The following NTNG1 variants were observed in gnomAD, a reference collection of about 807,000 sequenced individuals.
The protein encoded by NTNG1 is netrin-G1.
NTNG1 carries 16 observed loss-of-function variants against 54.0 expected under a neutral mutation model. That is an observed-to-expected ratio of 0.30 (90% confidence interval 0.20 to 0.45). The LOEUF is 0.45. NTNG1 is among the 20% of genes least tolerant of loss of function. The pLI, the probability that NTNG1 is intolerant of heterozygous loss-of-function variation, is 1.00. For synonymous variants in NTNG1, 255 were observed against 263.1 expected (o/e 0.97, Z 0.30); for missense variants, 530 against 678.7 (o/e 0.78, Z 2.43).
chr1:107,353,084 A>G (rs760331909), intron 3 of NTNG1, among the ~76,000 whole-genome samples: 4 of 152,220 alleles, frequency 2.6e-5, no homozygotes, highest in Non-Finnish European at 5.9e-5. Flanking sequence ...TGTCTTGGAT[A>G]TTAACATTTG....
chr1:107,422,206 T>G (rs1398878130), intron 5 of NTNG1, among the ~76,000 whole-genome samples: 1 of 152,082 alleles, frequency 6.6e-6, no homozygotes, highest in East Asian at 1.9e-4. Flanking sequence ...TTGAAATTTT[T>G]GGAAATAAGT....
chr1:107,430,817 G>T lies in NTNG1; in HGVS notation c.1155G>T (p.Val385=). The T allele has an allele frequency of 6.2e-7, 1 of 1,613,218 alleles. No homozygotes were observed. Among genetic ancestry groups the T allele is most frequent in the African/African-American group, 1.3e-5 (1 of 75,012 alleles). Residue 385 remains valine, a synonymous_variant, in exon 6 of 8, where the codon GTG becomes GTT. Transcript: ENST00000370068. ...ATCTGCTAAATACAGTCATTTGCGTGAGCTGTAAACACAACACTAGAGGGC... is the reference window on the plus strand; with the variant it reads ...ATCTGCTAAATACAGTCATTTGCGTTAGCTGTAAACACAACACTAGAGGGC... ...YIDLLNTVIC[V]SCKHNTRGQH... is the part of the protein sequence containing the mutation.
In NTNG1 at chr1:107,213,694, G is replaced by A. The variant is rs75792089; in HGVS notation, c.246+64855G>A. 6.9e-3 allele frequency among the ~76,000 whole-genome samples: 1,048 copies of A among 152,162 alleles called. 2 individuals are homozygous for A. Among genetic ancestry groups the A allele is most frequent in the Non-Finnish European group, 9.4e-3 (641 of 67,986 alleles). ...GAACCATTATGTGTGTATCAGTATG[G>A]CTATATGTCTTTGTTCTTTCCTAAT... On this transcript the variant is annotated intron_variant, in intron 2 of 7. Transcript: ENST00000370068.
In NTNG1 at chr1:107,484,359, T is replaced by C. The variant is rs1446222372; in HGVS notation, c.*3519T>C. Among the ~76,000 whole-genome samples, 2 of 152,194 alleles carry C rather than the reference T, an allele frequency of 1.3e-5. No individual in the cohort carries two copies. The highest frequency in any genetic ancestry group is 2.4e-5 in the African/African-American group (1 of 41,450). On this transcript the variant is annotated 3_prime_UTR_variant, in exon 8 of 8. Transcript: ENST00000370068. ...AGTCTAAGAATTCTAAATCTATACC[T>C]GGGCTTCCAAGGGTTATGAAAGCAT...
intron 2 of NTNG1, among the ~76,000 whole-genome samples, chr1:107,261,415 T>G (rs1663315960): frequency 6.6e-6 from 1 of 152,152 alleles, no homozygotes; most frequent in South Asian, 2.1e-4. Flanking sequence ...TGGAAAATGC[T>G]GGCAGTTAAA....
At chr1:107,448,179 T>C (rs1490429163) in intron 7 of NTNG1, among the ~76,000 whole-genome samples, 1 of 152,124 alleles carries the variant, frequency 6.6e-6, no homozygotes, top group Non-Finnish European at 1.5e-5. Context: ...ATTTGATATC[T>C]GAGCAGGAAC....
chr1:107,444,421 A>G (rs1201895458), intron 7 of NTNG1, among the ~76,000 whole-genome samples: 1 of 152,122 alleles, frequency 6.6e-6, no homozygotes, highest in East Asian at 1.9e-4. Flanking sequence ...ACTCCACAGT[A>G]GCATCATATC....
chr1:107,209,900 T>A (rs1160895216), intron 2 of NTNG1, among the ~76,000 whole-genome samples: 1 of 152,150 alleles, frequency 6.6e-6, no homozygotes, highest in African/African-American at 2.4e-5. Context: ...TCTTTTTTTT[T>A]TTTTTTTCTG....
intron 7 of NTNG1, 52 bp downstream of exon 7, chr1:107,436,851 GCTT>G: frequency 6.3e-7 from 1 of 1,578,046 alleles, no homozygotes; most frequent in Admixed American, 1.7e-5. Context: ...GCTGATTTCT[GCTT>G]GGCTAGGCCG....
At chr1:107,388,589 G>T (rs992661348) in intron 3 of NTNG1, among the ~76,000 whole-genome samples, 1 of 152,206 alleles carries the variant, frequency 6.6e-6, no homozygotes, top group African/African-American at 2.4e-5. Context: ...AAAGCAATGA[G>T]CACAATGCCA....
chr1:107,278,753 G>A (rs1664649170), intron 2 of NTNG1, among the ~76,000 whole-genome samples: 1 of 151,932 alleles, frequency 6.6e-6, no homozygotes, highest in African/African-American at 2.4e-5. Context: ...TTTGATGATT[G>A]TTGTATTAAT....
intron 3 of NTNG1, among the ~76,000 whole-genome samples, chr1:107,334,238 G>A (rs888714647): frequency 6.6e-6 from 1 of 151,750 alleles, no homozygotes; most frequent in Non-Finnish European, 1.5e-5. Context: ...TTGCTAATTA[G>A]GACTGTTAAT....
intron 2 of NTNG1, among the ~76,000 whole-genome samples, chr1:107,249,175 A>AATT (rs1553209872): frequency 1.3e-5 from 2 of 149,722 alleles, no homozygotes; most frequent in African/African-American, 4.9e-5. Flanking sequence ...TAATAATAAT[A>AATT]ATAATAATTT....
rs80341216 is a variant in NTNG1 at position 107,381,628 on chromosome 1, G to A, written c.888-13526G>A. ...CATTCAGGTTGGGAGGTGAAGTAAC[G>A]TGATGTACTCTGTGCTGTAGTCAGG... On this transcript the variant is annotated intron_variant, in intron 3 of 7. Transcript: ENST00000370068. 3.0e-4 allele frequency among the ~76,000 whole-genome samples: 46 copies of A among 152,284 alleles called. No homozygotes were observed. In the East Asian group the frequency reaches 7.4e-3, roughly 24 times the overall value.
chr1:107,360,477 AG>A (rs1670197033), intron 3 of NTNG1, among the ~76,000 whole-genome samples: 1 of 152,172 alleles, frequency 6.6e-6, no homozygotes, highest in South Asian at 2.1e-4. Flanking sequence ...ATAGAAATTA[AG>A]GTAGGAGAGA....
intron 3 of NTNG1, among the ~76,000 whole-genome samples, chr1:107,390,303 A>C (rs1474825915): frequency 5.9e-5 from 9 of 152,206 alleles, no homozygotes; most frequent in Non-Finnish European, 4.4e-5. Flanking sequence ...CTTCAGCTGG[A>C]CCAGGGTGGC....
At chr1:107,278,806 T>C (rs1284366893) in intron 2 of NTNG1, among the ~76,000 whole-genome samples, 1 of 152,208 alleles carries the variant, frequency 6.6e-6, no homozygotes, top group African/African-American at 2.4e-5. Context: ...AAAAAGATTT[T>C]CTTGATGTCT....
At chr1:107,340,652 C>A (rs1361472174) in intron 3 of NTNG1, among the ~76,000 whole-genome samples, 1 of 152,010 alleles carries the variant, frequency 6.6e-6, no homozygotes, top group Non-Finnish European at 1.5e-5. Context: ...GAGGAAATTA[C>A]ACACCACAGG....
chr1:107,398,704 C>A (rs1006382407), intron 4 of NTNG1, among the ~76,000 whole-genome samples: 4 of 152,106 alleles, frequency 2.6e-5, no homozygotes, highest in Non-Finnish European at 5.9e-5. Flanking sequence ...ACATGTATAT[C>A]AAAATCTTTT....
Sources: gnomAD v4.1 joint callset for allele counts (sites outside exome capture counted in the v4.1 genomes callset) on GRCh38, gnomAD v4.1.1 for gene constraint, MANE v1.5 for transcripts, NCBI Gene and HGNC (gene_info 2026-07-23, HGNC 2026-07-21) for gene names.